Variants in TSC2 observed in about 807,000 individuals in gnomAD.
TSC2 encodes TSC complex subunit 2, also known as tuberin.
In TSC2, 29 loss-of-function variants were observed where a neutral mutation model predicts 202.2. That is an observed-to-expected ratio of 0.14 (90% CI 0.11 to 0.20). The LOEUF (loss-of-function observed/expected upper bound fraction) is 0.20. Among genes scored for constraint, TSC2 ranks in the 10% least tolerant of loss-of-function variants. TSC2 has a pLI of 1.00. For missense variants in TSC2, 2,429 were observed against 2,420.0 expected (o/e 1.00, Z -0.08); for synonymous variants, 1,349 against 1,044.0 (o/e 1.29, Z -5.63).
rs188538934 is a variant in TSC2 at position 2,049,273 on chromosome 16, A to G, written c.138+520A>G. ...TTTAATTTTTGTATTTTTAGTAGAG[A>G]TGGAGTTTCACTATCTTGGCCAGGC... is the stretch of plus-strand genomic sequence containing the variant. On this transcript the variant is annotated intron_variant, in intron 2 of 41. Coordinates refer to ENST00000219476, the MANE Select transcript of TSC2 (RefSeq NM_000548.5). 6.6e-3 allele frequency among the ~76,000 whole-genome samples: 1,003 copies of G among 151,832 alleles called. 9 individuals carry two copies. The highest frequency in any genetic ancestry group is 0.044 in the Middle Eastern group (13 of 294).
Position 2,088,351 on chromosome 16 carries a change from G to C in TSC2, c.5259+26G>C, listed in dbSNP as rs759260143. 6 of 1,612,398 alleles carry C rather than the reference G, an allele frequency of 3.7e-6. No individual in the cohort carries two copies. The South Asian group carries it at 5.5e-5, about 15-fold the overall frequency. Reference sequence around the variant, plus strand: ...GTAGGGAATATGGGGCTCCCTCAGCGGGGTGTGCTGGCTGCCCAAGCTGTG... The same window carrying C: ...GTAGGGAATATGGGGCTCCCTCAGCCGGGTGTGCTGGCTGCCCAAGCTGTG... On this transcript the variant is annotated intron_variant, in intron 41 of 41. Coordinates refer to ENST00000219476, the MANE Select transcript of TSC2 (RefSeq NM_000548.5).
At chr16:2,071,331 G>A (rs2088344764) in intron 17 of TSC2, 179 bp from the exon 18 acceptor site, 2 of 676,394 alleles carry the variant, frequency 3.0e-6, no homozygotes, top group Non-Finnish European at 5.3e-6. Context: ...GTGGGTGCTG[G>A]GCCTCCGGTG....
chr16:2,061,534 C>T (rs903724227), intron 11 of TSC2: 2 of 418,958 alleles, frequency 4.8e-6, no homozygotes, highest in East Asian at 5.0e-5. Flanking sequence ...GAGCTTCCTT[C>T]TTGGCCCAGC....
chr16:2,070,645 G>A, intron 17 of TSC2, 67 bp downstream of exon 17: 1 of 1,608,832 alleles, frequency 6.2e-7, no homozygotes, highest in East Asian at 2.2e-5. Context: ...CTCGGCAGGT[G>A]TGGTTCCTGG....
intron 17 of TSC2, among the ~76,000 whole-genome samples, chr16:2,071,000 A>C (rs13334473): frequency 0.41 from 62,189 of 151,612 alleles, 13,746 homozygotes; most frequent in East Asian, 0.83. Flanking sequence ...CAGGGCAGGG[A>C]TGGGCAGAAC....
chr16:2,063,643 T>G (rs911122498), intron 14 of TSC2: 1 of 219,700 alleles, frequency 4.6e-6, no homozygotes, highest in East Asian at 1.2e-4. Flanking sequence ...AGCTGCCCAC[T>G]CTGCTCCTCT....
chr16:2,084,103 G>T, intron 33 of TSC2, 125 bp from the exon 34 acceptor site: 1 of 1,510,252 alleles, frequency 6.6e-7, no homozygotes, highest in Non-Finnish European at 8.9e-7. Flanking sequence ...GCCGTAGCCT[G>T]GTGCTCGGGC....
intron 24 of TSC2, 57 bp from the exon 25 acceptor site, chr16:2,076,434 G>T: frequency 6.2e-7 from 1 of 1,607,848 alleles, no homozygotes; most frequent in South Asian, 1.1e-5. Flanking sequence ...CAGGCCTGGT[G>T]AGGGCCTCCA....
At chr16:2,065,965 C>T (rs951442105) in intron 16 of TSC2, among the ~76,000 whole-genome samples, 2 of 152,320 alleles carry the variant, frequency 1.3e-5, no homozygotes, top group African/African-American at 4.8e-5. Flanking sequence ...TCCTGCCCTG[C>T]AGTCCGTTTA....
intron 5 of TSC2, 156 bp from the exon 6 acceptor site, chr16:2,055,246 C>T (rs984036375): frequency 9.7e-6 from 7 of 721,014 alleles, no homozygotes; most frequent in South Asian, 2.9e-5. Flanking sequence ...TGAGCCTCTT[C>T]GGGCCCAGTG....
rs1015629239 is a variant in TSC2 at position 2,074,249 on chromosome 16, G to A, written c.2405G>A (p.Ser802Asn). Reference protein sequence around the residue: ...LEQGLIHRCASQCVVALSICS... With the variant: ...LEQGLIHRCANQCVVALSICS... ...CAGGGCCTCATCCACCGCTGTGCCA[G>A]CCAGTGCGTCGTGGCCTTGTCCATC... The change falls in exon 22 of 42, where the codon AGC becomes AAC. Residue 802 changes from serine (S) to asparagine (N), a missense_variant. By Grantham distance (46) the Ser-to-Asn change is conservative (BLOSUM62 1). Transcript: ENST00000219476. The A allele has an allele frequency of 6.2e-7, 1 of 1,612,754 alleles. No homozygotes were observed. Among genetic ancestry groups the A allele is most frequent in the Middle Eastern group, 1.8e-4 (1 of 5,626 alleles).
intron 13 of TSC2, 123 bp downstream of exon 13, chr16:2,062,723 C>G: frequency 8.7e-7 from 1 of 1,152,060 alleles, no homozygotes; most frequent in Non-Finnish European, 1.3e-6. Context: ...CTCTGGAGAG[C>G]CCTGGCTCTG....
intron 26 of TSC2, chr16:2,078,582 C>G: frequency 3.6e-6 from 1 of 281,486 alleles, no homozygotes; most frequent in Non-Finnish European, 6.9e-6. Flanking sequence ...GGGTGTGGAG[C>G]TCAGGCAGCC....
At chr16:2,063,260 G>T in intron 14 of TSC2, 1 of 656,290 alleles carries the variant, frequency 1.5e-6, no homozygotes, top group Non-Finnish European at 2.7e-6. Flanking sequence ...CTTGACACGT[G>T]GCCAAGTAGC....
intron 32 of TSC2, chr16:2,082,880 T>A: frequency 2.5e-6 from 1 of 402,070 alleles, no homozygotes; most frequent in South Asian, 2.1e-5. Flanking sequence ...GCCCTGGCCT[T>A]TGGTGGCTCC....
rs141252704 is a variant in TSC2, at chr16:2,083,699, C to T, written c.3888C>T (p.Ser1296=). ...GCCCCGTCTGTGTCCTCCCAGACTC[C>T]GCCGTGGTCATGGAGGAGGGAAGTC... ...QLHRSVSWAD[S]AVVMEEGSPG... Residue 1296 remains serine (S), a synonymous_variant, in exon 33 of 42, where the codon TCC becomes TCT. Transcript: ENST00000219476. 3.6e-5 allele frequency: 57 copies of T among 1,582,630 alleles called. No individual in the cohort carries two copies. In the African/African-American group the frequency reaches 4.4e-4, roughly 12 times the overall value.
At position 2,088,744 on chromosome 16, in the gene TSC2, T is replaced by A. The variant is rs979264685; in HGVS notation, c.*134T>A. The A allele has an allele frequency of 3.0e-5, 39 of 1,281,012 alleles. No individual in the cohort carries two copies. Among genetic ancestry groups the A allele is most frequent in the Non-Finnish European group, 3.9e-5 (36 of 934,966 alleles). 79.4% of individuals were successfully genotyped at this position (1,281,012 alleles called of 1,614,324 possible). On this transcript the variant is annotated 3_prime_UTR_variant, in exon 42 of 42. Coordinates refer to ENST00000219476, the MANE Select transcript of TSC2 (RefSeq NM_000548.5). ...CAGCTCTTTTATTGACTTTGTCTGCTTGGTGCGGGGGTTGGGGGGGTGTCG... is the reference window on the plus strand; with the variant it reads ...CAGCTCTTTTATTGACTTTGTCTGCATGGTGCGGGGGTTGGGGGGGTGTCG...
At chr16:2,060,309 C>T (rs181944596) in intron 10 of TSC2, among the ~76,000 whole-genome samples, 2 of 152,196 alleles carry the variant, frequency 1.3e-5, no homozygotes, top group South Asian at 2.1e-4. Flanking sequence ...CCTGCTACCC[C>T]CCTCCCCGTA....
Position 2,081,679 on chromosome 16 carries a change from C to G in TSC2, c.3695C>G (p.Ser1232Cys). 6.2e-7 allele frequency: 1 copy of G among 1,613,012 alleles called. No individual in the cohort carries two copies. The highest frequency in any genetic ancestry group is 8.5e-7 in the Non-Finnish European group (1 of 1,180,010). The change falls in exon 31 of 42, where the codon TCT becomes TGT. Residue 1232 changes from serine (S) to cysteine (C), a missense_variant. Ser to Cys is a moderately radical substitution (Grantham distance 112). Coordinates refer to ENST00000219476, the MANE Select transcript of TSC2 (RefSeq NM_000548.5). The part of the protein sequence containing the change: ...DINNMPLQEL[S>C]NALMAAERFK... ...AACAACATGCCCCTGCAGGAGCTGTCTAACGCCCTCATGGCGGCTGAGCGC... is the reference window on the plus strand; with the variant it reads ...AACAACATGCCCCTGCAGGAGCTGTGTAACGCCCTCATGGCGGCTGAGCGC...
Sources: allele counts gnomAD v4.1 joint callset (sites outside exome capture counted in the v4.1 genomes callset), GRCh38; gene constraint gnomAD v4.1.1; transcripts MANE v1.5; gene names NCBI Gene and HGNC (gene_info 2026-07-23, HGNC 2026-07-21).